Variants in TBL1X observed in about 807,000 individuals in gnomAD.
The protein encoded by TBL1X is transducin beta like 1 X-linked.
TBL1X carries 10 observed loss-of-function variants against 50.7 expected under a neutral mutation model. That is an observed-to-expected ratio of 0.20 (90% CI 0.12 to 0.33). The LOEUF (loss-of-function observed/expected upper bound fraction) is 0.33, where lower values mean the gene tolerates loss of function less well. Among genes scored for constraint, TBL1X ranks in the 10% least tolerant of loss-of-function variants. The pLI is 1.00. For synonymous variants in TBL1X, 190 were observed against 214.7 expected, an observed-to-expected ratio of 0.88 and a Z score of 1.01; for missense variants, 340 against 504.4, an observed-to-expected ratio of 0.67 and a Z score of 3.12.
intron 5 of TBL1X, among the ~76,000 whole-genome samples, chrX:9,673,199 A>G (rs1161710945): frequency 8.9e-6 from 1 of 112,619 alleles, no homozygotes; most frequent in Non-Finnish European, 1.9e-5. Flanking sequence ...ACTGTTTAGT[A>G]GAAAAACATC....
intron 2 of TBL1X, among the ~76,000 whole-genome samples, chrX:9,620,623 G>C (rs1287688979): frequency 2.7e-5 from 3 of 112,150 alleles, no homozygotes; most frequent in Admixed American, 1.9e-4. Flanking sequence ...GAGAGTTTCA[G>C]GTGGAGAGGC....
intron 2 of TBL1X, among the ~76,000 whole-genome samples, chrX:9,578,046 G>A (rs147126376): frequency 7.1e-5 from 8 of 111,893 alleles, no homozygotes; most frequent in South Asian, 7.6e-4. Context: ...TAGACCATGC[G>A]TGCCCTTTCC....
At chrX:9,547,133 A>G (rs1300611515) in intron 2 of TBL1X, among the ~76,000 whole-genome samples, 2 of 109,961 alleles carry the variant, frequency 1.8e-5, no homozygotes, top group African/African-American at 6.6e-5. Flanking sequence ...CTTAATTTTT[A>G]AAAGTGTGTT....
At position 9,593,176 on chromosome X, in the gene TBL1X, C is replaced by T. The variant is rs771674090; in HGVS notation, c.-130-47097C>T. Among the ~76,000 whole-genome samples the T allele has an allele frequency of 3.6e-4, 40 of 110,243 alleles. No homozygotes were observed. The East Asian group carries it at 0.01, about 28-fold the overall frequency. On this transcript the variant is annotated intron_variant, in intron 2 of 17. Transcript: ENST00000645353. ...CAGCACTTTGGGAGGCCGAGGCAGGCGGATCACCTGAGGTCAGGAGTTCAA... is the reference window on the plus strand; with the variant it reads ...CAGCACTTTGGGAGGCCGAGGCAGGTGGATCACCTGAGGTCAGGAGTTCAA...
chrX:9,658,911 C>T (rs1339737468), intron 5 of TBL1X, among the ~76,000 whole-genome samples: 5 of 111,896 alleles, frequency 4.5e-5, no homozygotes, highest in Admixed American at 9.4e-5. Flanking sequence ...CTCAATTGAT[C>T]GTCCCACCTC....
intron 5 of TBL1X, among the ~76,000 whole-genome samples, chrX:9,656,659 T>C (rs2732884): frequency 0.048 from 5,366 of 112,794 alleles, 130 homozygotes; most frequent in Non-Finnish European, 0.071. Flanking sequence ...CACTGAAGTA[T>C]AATAACACTT....
intron 2 of TBL1X, among the ~76,000 whole-genome samples, chrX:9,546,173 T>C (rs1176583969): frequency 8.9e-6 from 1 of 112,050 alleles, no homozygotes; most frequent in Non-Finnish European, 1.9e-5. Flanking sequence ...GGTTTTCCTT[T>C]GGTGGTTTTA....
intron 5 of TBL1X, among the ~76,000 whole-genome samples, chrX:9,658,052 G>T (rs1253644562): frequency 1.8e-5 from 2 of 111,214 alleles, no homozygotes; most frequent in Admixed American, 9.5e-5. Context: ...GAGACCTGAT[G>T]GTTGTATAAA....
chrX:9,610,988 A>G (rs1156464132), intron 2 of TBL1X, among the ~76,000 whole-genome samples: 1 of 111,923 alleles, frequency 8.9e-6, no homozygotes, highest in African/African-American at 3.3e-5. Context: ...TAGACTGAGC[A>G]AATCCTCGGA....
intron 2 of TBL1X, among the ~76,000 whole-genome samples, chrX:9,507,866 G>T (rs185811412): frequency 8.9e-6 from 1 of 112,242 alleles, no homozygotes; most frequent in South Asian, 3.7e-4. Flanking sequence ...TCAGTAAATG[G>T]TGCTGGGAAA....
chrX:9,718,765 T>G lies in TBL1X; in HGVS notation c.*2519T>G, dbSNP rs1176966377. On this transcript the variant is annotated 3_prime_UTR_variant, in exon 18 of 18. Coordinates refer to ENST00000645353, the MANE Select transcript of TBL1X (RefSeq NM_005647.4). The stretch of plus-strand genomic sequence containing the variant: ...GCCAGGGTCTCTCCCGAGGGATGGC[T>G]TTAGTCTTGATGAATGTGAACCATG... 1 of 111,914 alleles carries G rather than the reference T, an allele frequency of 8.9e-6. No individual in the cohort carries two copies. Among genetic ancestry groups the G allele is most frequent in the African/African-American group, 3.2e-5 (1 of 30,785 alleles). The allele number at this position is 111,914 out of a possible 1,213,427, so 9.2% of individuals were successfully genotyped here. A position where few individuals can be genotyped will look rare whatever the true frequency, so the allele number is the denominator to read the frequency against.
chrX:9,486,296 T>C (rs73631482), intron 1 of TBL1X, among the ~76,000 whole-genome samples: 5,841 of 108,557 alleles, frequency 0.054, 152 homozygotes, highest in South Asian at 0.11. Context: ...TGTGATGGCA[T>C]GATCACAGCT....
At chrX:9,469,923 C>A (rs1405769463) in intron 1 of TBL1X, among the ~76,000 whole-genome samples, 2 of 112,640 alleles carry the variant, frequency 1.8e-5, no homozygotes, top group Non-Finnish European at 3.7e-5. Flanking sequence ...TCTGATGACA[C>A]ATGAACTTCA....
intron 2 of TBL1X, among the ~76,000 whole-genome samples, chrX:9,616,451 A>G (rs1240785633): frequency 8.9e-6 from 1 of 111,986 alleles, no homozygotes; most frequent in Admixed American, 9.5e-5. Context: ...AAAAGACAGT[A>G]CAGAGAAATT....
chrX:9,523,308 C>T (rs886623662), intron 2 of TBL1X, among the ~76,000 whole-genome samples: 1 of 111,883 alleles, frequency 8.9e-6, no homozygotes, highest in Non-Finnish European at 1.9e-5. Flanking sequence ...GAACTGTGAA[C>T]CCCCAGAGTC....
At chrX:9,538,766 G>A (rs886356352) in intron 2 of TBL1X, among the ~76,000 whole-genome samples, 16 of 112,746 alleles carry the variant, frequency 1.4e-4, no homozygotes, top group African/African-American at 4.5e-4. Context: ...AGGTGTTTCC[G>A]TTCTCTGATG....
chrX:9,491,354 T>C (rs1158986076), intron 1 of TBL1X, among the ~76,000 whole-genome samples: 13 of 87,004 alleles, frequency 1.5e-4, no homozygotes, highest in African/African-American at 5.1e-4. Flanking sequence ...TTTTTTTTTT[T>C]CTTTGAGACA....
At chrX:9,707,156 C>G (rs1187858229) in intron 13 of TBL1X, among the ~76,000 whole-genome samples, 2 of 111,010 alleles carry the variant, frequency 1.8e-5, no homozygotes, top group Admixed American at 1.9e-4. Context: ...GGTCACAGTC[C>G]CTGGAGATTT....
intron 1 of TBL1X, among the ~76,000 whole-genome samples, chrX:9,485,989 C>T (rs2081910370): frequency 1.8e-5 from 2 of 111,085 alleles, no homozygotes; most frequent in South Asian, 7.6e-4. Context: ...GGCCAGGGCA[C>T]TCCATAGTTA....
Sources: allele counts gnomAD v4.1 joint callset (sites outside exome capture counted in the v4.1 genomes callset), GRCh38; gene constraint gnomAD v4.1.1; transcripts MANE v1.5; gene names NCBI Gene and HGNC (gene_info 2026-07-23, HGNC 2026-07-21).